PLAU: variants seen among roughly 807,000 people sequenced by gnomAD.
PLAU encodes the protein plasminogen activator, urokinase, also known as urokinase-type plasminogen activator.
PLAU carries 32 observed loss-of-function variants against 48.9 expected under a neutral mutation model. That is an observed-to-expected ratio of 0.65 (90% confidence interval 0.49 to 0.88). PLAU has a LOEUF of 0.88. Among genes scored for constraint, PLAU ranks in the 40% least tolerant of loss-of-function variants. PLAU has a pLI of 0.00. For missense variants in PLAU, 455 were observed against 545.2 expected, an observed-to-expected ratio of 0.83 and a Z score of 1.65; for synonymous variants, 199 against 205.7, an observed-to-expected ratio of 0.97 and a Z score of 0.28.
chr10:73,914,184 C>T (rs1337590086), intron 8 of PLAU, 56 bp downstream of exon 8: 3 of 1,586,266 alleles, frequency 1.9e-6, no homozygotes, highest in African/African-American at 2.7e-5. Flanking sequence ...GAGTGGGACC[C>T]AGGGAGAGAC....
chr10:73,912,877 A>C, intron 4 of PLAU, 47 bp from the exon 5 acceptor site: 4 of 1,448,872 alleles, frequency 2.8e-6, no homozygotes, highest in Non-Finnish European at 3.8e-6. Flanking sequence ...GTTAGTTGGA[A>C]TGTTCTTCTC....
At position 73,911,824 on chromosome 10, in the gene PLAU, C is replaced by T. The variant is rs760244673; in HGVS notation, c.57+212C>T. 38 of 1,551,796 alleles carry T rather than the reference C, an allele frequency of 2.4e-5. 1 individual carries two copies. Among genetic ancestry groups the T allele is most frequent in the South Asian group, 1.4e-4 (12 of 84,172 alleles). Reference sequence around the variant, plus strand: ...AGGGAGGAAGAGGCCGCCGGGACTGCCCCAGCCTGCGGGCATCTGGTAGAT... The same window carrying T: ...AGGGAGGAAGAGGCCGCCGGGACTGTCCCAGCCTGCGGGCATCTGGTAGAT... On this transcript the variant is annotated intron_variant, in intron 2 of 10. Transcript: ENST00000372764.
intron 8 of PLAU, among the ~76,000 whole-genome samples, 163 bp downstream of exon 8, chr10:73,914,291 C>T (rs2096131687): frequency 6.6e-6 from 1 of 152,152 alleles, no homozygotes; most frequent in African/African-American, 2.4e-5. Context: ...GGAAGAGTTC[C>T]ATGAAGTCTG....
chr10:73,914,670 C>G (rs1260686272), intron 8 of PLAU, 106 bp from the exon 9 acceptor site: 15 of 1,095,942 alleles, frequency 1.4e-5, no homozygotes, highest in Admixed American at 4.7e-5. Context: ...CCCTGGATGA[C>G]TGACCTAGGG....
At position 73,913,578 on chromosome 10, in the gene PLAU, A is replaced by T. The variant is rs1420338766; in HGVS notation, c.500A>T (p.Gln167Leu). The T allele has an allele frequency of 1.9e-6, 3 of 1,613,652 alleles. No homozygotes were observed. In the African/African-American group the frequency reaches 4.0e-5, roughly 22 times the overall value. ...PSSPPEELKF[Q>L]CGQKTLRPRF... ...TCTCCTCCAGAAGAATTAAAATTTC[A>T]GTGTGGCCAAAAGACTCTGAGGCCC... is the stretch of plus-strand genomic sequence containing the variant. The change falls in exon 7 of 11, where the codon CAG (glutamine) becomes CTG (leucine). Residue 167 changes from glutamine (Q) to leucine (L), a missense_variant. Transcript: ENST00000372764.
chr10:73,908,932 TG>T (rs1228826053), upstream of PLAU, among the ~76,000 whole-genome samples: 4 of 147,302 alleles, frequency 2.7e-5, no homozygotes, highest in Non-Finnish European at 4.5e-5. Flanking sequence ...AAGGATGAGG[TG>T]GGAGGACCCC....
At chr10:73,913,894 G>A in intron 7 of PLAU, 86 bp from the exon 8 acceptor site, 2 of 1,451,126 alleles carry the variant, frequency 1.4e-6, no homozygotes, top group Non-Finnish European at 1.9e-6. Context: ...TTGGGGACAA[G>A]TCGTGCTTTG....
intron 5 of PLAU, 42 bp from the exon 6 acceptor site, chr10:73,913,248 C>G (rs777175475): frequency 3.7e-6 from 6 of 1,604,994 alleles, no homozygotes; most frequent in East Asian, 2.2e-5. Flanking sequence ...AGGGAAGGCC[C>G]TCTGGGTTGG....
rs375950656 is a variant in PLAU, at chr10:73,915,252, C to T, written c.972C>T (p.Thr324=). The change falls in exon 10 of 11, where the codon ACC becomes ACT. Residue 324 remains threonine, a splice_region_variant and synonymous_variant. Transcript: ENST00000372764. ...EITGFGKENS[T]DYLYPEQLKM... The stretch of plus-strand genomic sequence containing the variant: ...CGCCTCCCTGTTTTCTCCACCTAGC[C>T]GACTATCTCTATCCGGAGCAGCTGA... 1.9e-5 allele frequency: 31 copies of T among 1,609,492 alleles called. No individual in the cohort carries two copies. The highest frequency in any genetic ancestry group is 1.7e-4 in the African/African-American group (13 of 74,582).
intron 6 of PLAU, 55 bp downstream of exon 6, chr10:73,913,436 G>T (rs1342637623): frequency 6.4e-7 from 1 of 1,568,702 alleles, no homozygotes; most frequent in Non-Finnish European, 8.8e-7. Flanking sequence ...AAACTTACAT[G>T]TCCCCTTATT....
Position 73,915,233 on chromosome 10 carries a change from C to G in PLAU, c.971-18C>G. 6.2e-7 allele frequency: 1 copy of G among 1,604,428 alleles called. No homozygotes were observed. Among genetic ancestry groups the G allele is most frequent in the Non-Finnish European group, 8.5e-7 (1 of 1,175,806 alleles). On this transcript the variant is annotated intron_variant, in intron 9 of 10. Transcript: ENST00000372764. ...AGATAAATCTTGATGCAAACGCCTC[C>G]CTGTTTTCTCCACCTAGCCGACTAT... is the stretch of plus-strand genomic sequence containing the variant.
rs368183959 is a variant in PLAU at position 73,916,554 on chromosome 10, C to T, written c.1285C>T (p.Leu429=). Residue 429 remains leucine (L), a synonymous_variant, in exon 11 of 11, where the codon CTG becomes TTG. Transcript: ENST00000372764. ...IRSHTKEENG[L]AL ...CAGTCACACCAAGGAAGAGAATGGC[C>T]TGGCCCTCTGAGGGTCCCCAGGGAG... The T allele has an allele frequency of 3.7e-6, 6 of 1,609,562 alleles. No homozygotes were observed. The highest frequency in any genetic ancestry group is 2.7e-5 in the African/African-American group (2 of 74,884).
intron 2 of PLAU, 82 bp downstream of exon 2, chr10:73,911,694 T>C: frequency 1.3e-6 from 2 of 1,584,288 alleles, no homozygotes; most frequent in Middle Eastern, 3.3e-4. Flanking sequence ...CTCAGGGAGC[T>C]GGGGTCCTCC....
intron 2 of PLAU, 89 bp downstream of exon 2, chr10:73,911,701 C>T: frequency 6.3e-7 from 1 of 1,575,300 alleles, no homozygotes; most frequent in Non-Finnish European, 8.6e-7. Context: ...AGCTGGGGTC[C>T]TCCGGATTCC....
At chr10:73,912,823 C>T in intron 4 of PLAU, 101 bp from the exon 5 acceptor site, 1 of 897,848 alleles carries the variant, frequency 1.1e-6, no homozygotes, top group Non-Finnish European at 1.7e-6. Context: ...TGCACTCCAA[C>T]TGGGCGACAG....
At position 73,914,131 on chromosome 10, in the gene PLAU, G is replaced by A; in HGVS notation, c.829+3G>A. On this transcript the variant is annotated splice_donor_region_variant and intron_variant, in intron 8 of 10. Coordinates refer to ENST00000372764, the MANE Select transcript of PLAU (RefSeq NM_002658.6). ...GCTTGCTCACCACAACGACATTGGT[G>A]AGGGGGAACCCCGCGACTACTGTGG... 1.9e-6 allele frequency: 3 copies of A among 1,613,914 alleles called. No individual in the cohort carries two copies. The highest frequency in any genetic ancestry group is 2.5e-6 in the Non-Finnish European group (3 of 1,179,972).
chr10:73,911,981 C>T, intron 2 of PLAU, 60 bp from the exon 3 acceptor site: 4 of 1,614,146 alleles, frequency 2.5e-6, no homozygotes, highest in Non-Finnish European at 3.4e-6. Context: ...AGTTTACCCT[C>T]ACCCTGGAGT....
chr10:73,911,253 T>G, intron 1 of PLAU, 35 bp downstream of exon 1: 3 of 463,542 alleles, frequency 6.5e-6, no homozygotes, highest in Non-Finnish European at 7.7e-6. Flanking sequence ...CCGGGCCGGA[T>G]GCGCGGCGGC....
chr10:73,913,390 C>T lies in PLAU; in HGVS notation c.460+9C>T, dbSNP rs753535848. On this transcript the variant is annotated intron_variant, in intron 6 of 10. Coordinates refer to ENST00000372764, the MANE Select transcript of PLAU (RefSeq NM_002658.6). ...GCATGACTGCGCAGATGGTGAGCATCACTGACCTGCTGATGACAGTGGGGT... is the reference window on the plus strand; with the variant it reads ...GCATGACTGCGCAGATGGTGAGCATTACTGACCTGCTGATGACAGTGGGGT... 2 of 1,610,580 alleles carry T rather than the reference C, an allele frequency of 1.2e-6. No individual in the cohort carries two copies. The highest frequency in any genetic ancestry group is 8.5e-7 in the Non-Finnish European group (1 of 1,176,830).
Sources: gnomAD v4.1 joint callset for allele counts (sites outside exome capture counted in the v4.1 genomes callset) on GRCh38, gnomAD v4.1.1 for gene constraint, MANE v1.5 for transcripts, NCBI Gene and HGNC (gene_info 2026-07-23, HGNC 2026-07-21) for gene names.